Variants in SLC24A3 observed in about 807,000 individuals in gnomAD.
The protein encoded by SLC24A3 is solute carrier family 24 member 3, also known as sodium/potassium/calcium exchanger 3.
In SLC24A3, 28 loss-of-function variants were observed where a neutral mutation model predicts 75.8. The observed-to-expected ratio is 0.37, with a 90% CI of 0.27 to 0.51. The LOEUF (loss-of-function observed/expected upper bound fraction) is 0.51, where lower values mean the gene tolerates loss of function less well. SLC24A3 is among the 20% of genes least tolerant of loss of function. The pLI is 0.94. For synonymous variants in SLC24A3, 372 were observed against 334.1 expected, an observed-to-expected ratio of 1.11 and a Z score of -1.24; for missense variants, 663 against 847.8, an observed-to-expected ratio of 0.78 and a Z score of 2.71.
chr20:19,578,294 G>A (rs946200275), intron 3 of SLC24A3, among the ~76,000 whole-genome samples: 6 of 151,876 alleles, frequency 4.0e-5, no homozygotes, highest in Admixed American at 2.6e-4. Context: ...ACATGCTTGC[G>A]TGTGTGTGCC....
intron 2 of SLC24A3, among the ~76,000 whole-genome samples, chr20:19,353,492 CTGTT>C (rs1465123816): frequency 1.3e-5 from 2 of 152,188 alleles, no homozygotes; most frequent in African/African-American, 4.8e-5. Context: ...TAACTGGAAT[CTGTT>C]TGCTCATCTT....
chr20:19,567,894 G>A (rs940277485), intron 3 of SLC24A3, among the ~76,000 whole-genome samples: 1 of 152,070 alleles, frequency 6.6e-6, no homozygotes, highest in East Asian at 1.9e-4. Context: ...CTGATAAGGG[G>A]TTAATATCCA....
intron 6 of SLC24A3, among the ~76,000 whole-genome samples, chr20:19,611,677 G>T (rs2031672686): frequency 6.6e-6 from 1 of 152,268 alleles, no homozygotes; most frequent in East Asian, 1.9e-4. Flanking sequence ...ATAATCTCAG[G>T]GTTCCAAGAG....
At chr20:19,517,186 C>T (rs975626748) in intron 3 of SLC24A3, among the ~76,000 whole-genome samples, 1 of 152,180 alleles carries the variant, frequency 6.6e-6, no homozygotes, top group African/African-American at 2.4e-5. Context: ...AGGAGGCTAC[C>T]CTGTCGCAAG....
At chr20:19,457,107 T>C (rs1987591063) in intron 2 of SLC24A3, among the ~76,000 whole-genome samples, 2 of 151,978 alleles carry the variant, frequency 1.3e-5, no homozygotes, top group African/African-American at 4.8e-5. Context: ...AAGAAAAAAA[T>C]GAATAATGTA....
chr20:19,597,574 C>G (rs906062055), intron 6 of SLC24A3, among the ~76,000 whole-genome samples: 1 of 152,114 alleles, frequency 6.6e-6, no homozygotes, highest in Non-Finnish European at 1.5e-5. Context: ...ATGTTGGGAA[C>G]GTTTCAAGTC....
chr20:19,625,470 G>T (rs1272407772), intron 6 of SLC24A3, among the ~76,000 whole-genome samples: 1 of 152,156 alleles, frequency 6.6e-6, no homozygotes, highest in Non-Finnish European at 1.5e-5. Flanking sequence ...TCAAAAGTAT[G>T]TTGAAGTTAT....
intron 6 of SLC24A3, among the ~76,000 whole-genome samples, chr20:19,620,287 T>C (rs938059167): frequency 1.3e-5 from 2 of 152,166 alleles, no homozygotes; most frequent in Non-Finnish European, 2.9e-5. Context: ...GAAATGATGA[T>C]TGGGGAGTCT....
intron 1 of SLC24A3, among the ~76,000 whole-genome samples, chr20:19,216,447 A>C (rs934645884): frequency 1.3e-5 from 2 of 152,080 alleles, no homozygotes; most frequent in Non-Finnish European, 2.9e-5. Flanking sequence ...CATCTCTTAA[A>C]AAATTTTTTT....
At chr20:19,340,875 A>G (rs1232824109) in intron 2 of SLC24A3, among the ~76,000 whole-genome samples, 1 of 152,228 alleles carries the variant, frequency 6.6e-6, no homozygotes, top group Non-Finnish European at 1.5e-5. Context: ...TGTGCAGATC[A>G]CATGTTATCC....
intron 6 of SLC24A3, among the ~76,000 whole-genome samples, chr20:19,591,671 C>A (rs935175150): frequency 6.6e-6 from 1 of 152,104 alleles, no homozygotes; most frequent in African/African-American, 2.4e-5. Context: ...CCTGACCATC[C>A]CTGAACCAAT....
chr20:19,446,888 A>T (rs1987396553), intron 2 of SLC24A3, among the ~76,000 whole-genome samples: 1 of 152,172 alleles, frequency 6.6e-6, no homozygotes, highest in South Asian at 2.1e-4. Context: ...CTGCCACCAG[A>T]TTATCCCACT....
intron 10 of SLC24A3, among the ~76,000 whole-genome samples, chr20:19,682,335 C>G (rs2032624614): frequency 6.6e-6 from 1 of 152,232 alleles, no homozygotes; most frequent in African/African-American, 2.4e-5. Flanking sequence ...ATGAGCCCAT[C>G]TGCCCACTCT....
intron 3 of SLC24A3, among the ~76,000 whole-genome samples, chr20:19,530,136 A>T (rs545824530): frequency 9.2e-5 from 14 of 152,174 alleles, no homozygotes; most frequent in Non-Finnish European, 1.6e-4. Flanking sequence ...TCCTCTGTGA[A>T]TGTATTCATA....
In SLC24A3 at chr20:19,665,908, C is replaced by G; in HGVS notation, c.713+19C>G. On this transcript the variant is annotated intron_variant, in intron 8 of 16. Coordinates refer to ENST00000328041, the MANE Select transcript of SLC24A3 (RefSeq NM_020689.4). ...TTTCCTGGTAAGTACCTCTCTTTCC[C>G]CTTCTCATTTCTGAATGTTATGTTG... 1.2e-6 allele frequency: 2 copies of G among 1,610,896 alleles called. No individual in the cohort carries two copies. Among genetic ancestry groups the G allele is most frequent in the Non-Finnish European group, 1.7e-6 (2 of 1,178,512 alleles).
At position 19,643,422 on chromosome 20, in the gene SLC24A3, A is replaced by G. The variant is rs184660052; in HGVS notation, c.613-10640A>G. 8.5e-4 allele frequency among the ~76,000 whole-genome samples: 129 copies of G among 152,272 alleles called. 2 individuals are homozygous for G. The highest frequency in any genetic ancestry group is 4.1e-3 in the Admixed American group (62 of 15,300). On this transcript the variant is annotated intron_variant, in intron 6 of 16. Coordinates refer to ENST00000328041, the MANE Select transcript of SLC24A3 (RefSeq NM_020689.4). Reference sequence around the variant, plus strand: ...AAACCTTGGATCCTTCCCGATATGAACCAGAAATTTCCAAATCCATGTCCA... The same window carrying G: ...AAACCTTGGATCCTTCCCGATATGAGCCAGAAATTTCCAAATCCATGTCCA...
Position 19,429,929 on chromosome 20 carries a change from T to G in SLC24A3, c.272-85559T>G, listed in dbSNP as rs1000935908. ...TCGAGCTACAGTGGGAAAGCCTGTC[T>G]GCACAGCTGAGAAAAAAAGAGGAGG... On this transcript the variant is annotated intron_variant, in intron 2 of 16. Coordinates refer to ENST00000328041, the MANE Select transcript of SLC24A3 (RefSeq NM_020689.4). 6.6e-5 allele frequency among the ~76,000 whole-genome samples: 10 copies of G among 152,110 alleles called. No homozygotes were observed. The South Asian group carries it at 8.3e-4, about 13-fold the overall frequency.
chr20:19,483,977 C>T (rs531765967), intron 2 of SLC24A3, among the ~76,000 whole-genome samples: 11 of 152,214 alleles, frequency 7.2e-5, no homozygotes, highest in African/African-American at 1.9e-4. Context: ...CTTTGAGATA[C>T]GTATCCAAAA....
intron 12 of SLC24A3, among the ~76,000 whole-genome samples, chr20:19,689,089 CT>C (rs2032715439): frequency 6.6e-6 from 1 of 152,098 alleles, no homozygotes; most frequent in Non-Finnish European, 1.5e-5. Context: ...CAAAAGAAAC[CT>C]TTTCATGTGT....
Sources: gnomAD v4.1 joint callset for allele counts (sites outside exome capture counted in the v4.1 genomes callset) on GRCh38, gnomAD v4.1.1 for gene constraint, MANE v1.5 for transcripts, NCBI Gene and HGNC (gene_info 2026-07-23, HGNC 2026-07-21) for gene names.